The following CTNND2 variants were observed in gnomAD, a reference collection of about 807,000 sequenced individuals.
CTNND2 encodes catenin delta-2.
Under a neutral mutation model 144.4 loss-of-function variants are expected in CTNND2, and 22 were observed. The ratio of observed to expected loss-of-function variants is 0.15; its 90% CI spans 0.11 to 0.22. The LOEUF (loss-of-function observed/expected upper bound fraction) is 0.22. Ranked by LOEUF, CTNND2 falls within the 10% of genes least tolerant of loss-of-function variation. The pLI is 1.00. For missense variants in CTNND2, 1,353 were observed against 1,618.8 expected (o/e 0.84, Z 2.82); for synonymous variants, 751 against 695.6 (o/e 1.08, Z -1.25).
chr5:11,502,565 C>T (rs751297768), intron 3 of CTNND2, among the ~76,000 whole-genome samples: 5 of 152,194 alleles, frequency 3.3e-5, no homozygotes, highest in Non-Finnish European at 5.9e-5. Context: ...TCTTGGAAGA[C>T]ATCTTCCACA....
chr5:11,132,811 T>C (rs556499368), intron 12 of CTNND2, among the ~76,000 whole-genome samples: 4 of 152,288 alleles, frequency 2.6e-5, no homozygotes, highest in African/African-American at 7.2e-5. Flanking sequence ...AAGTTTAAAT[T>C]GGAAGGAAGT....
intron 1 of CTNND2, among the ~76,000 whole-genome samples, chr5:11,791,103 A>G (rs1791113081): frequency 6.6e-6 from 1 of 152,136 alleles, no homozygotes; most frequent in African/African-American, 2.4e-5. Flanking sequence ...ACAAGCAAGG[A>G]ATGCCTGGGG....
intron 10 of CTNND2, 96 bp downstream of exon 10, chr5:11,236,595 C>A (rs1030641737): frequency 3.8e-6 from 5 of 1,332,026 alleles, no homozygotes. Flanking sequence ...AAAAGCATAA[C>A]TTCAGTTCTC....
intron 6 of CTNND2, among the ~76,000 whole-genome samples, chr5:11,392,087 G>A (rs1759680802): frequency 6.6e-6 from 1 of 152,222 alleles, no homozygotes; most frequent in Non-Finnish European, 1.5e-5. Flanking sequence ...GAAAGTGAGA[G>A]AGAGAAATTT....
chr5:11,071,541 C>A (rs1165697413), intron 16 of CTNND2, among the ~76,000 whole-genome samples: 2 of 150,654 alleles, frequency 1.3e-5, no homozygotes, highest in African/African-American at 2.4e-5. Context: ...CAAAGTGAGA[C>A]CCTGTCTTCA....
intron 3 of CTNND2, among the ~76,000 whole-genome samples, chr5:11,460,098 A>C (rs1008751784): frequency 3.9e-5 from 6 of 152,178 alleles, no homozygotes; most frequent in South Asian, 2.1e-4. Flanking sequence ...TAACAGATTT[A>C]ATGGTCCTGT....
At chr5:11,858,671 T>G (rs1795359630) in intron 1 of CTNND2, among the ~76,000 whole-genome samples, 1 of 152,206 alleles carries the variant, frequency 6.6e-6, no homozygotes, top group Non-Finnish European at 1.5e-5. Flanking sequence ...GGCTCACGCC[T>G]GTTAATCCCA....
chr5:11,585,415 T>C (rs918126679), intron 2 of CTNND2, among the ~76,000 whole-genome samples: 8 of 152,138 alleles, frequency 5.3e-5, no homozygotes, highest in Non-Finnish European at 8.8e-5. Context: ...TAGAAAAAAA[T>C]GTATTTTTTC....
intron 1 of CTNND2, among the ~76,000 whole-genome samples, chr5:11,740,286 A>T (rs1294748814): frequency 6.6e-6 from 1 of 152,222 alleles, no homozygotes; most frequent in African/African-American, 2.4e-5. Context: ...CTGACTTCAA[A>T]CTATATTACA....
chr5:11,599,521 G>C (rs1779675043), intron 2 of CTNND2, among the ~76,000 whole-genome samples: 1 of 152,088 alleles, frequency 6.6e-6, no homozygotes, highest in African/African-American at 2.4e-5. Flanking sequence ...GCCCGCAATA[G>C]TTCTTGCCAT....
chr5:11,395,804 A>G (rs1384469004), intron 6 of CTNND2, among the ~76,000 whole-genome samples: 3 of 152,114 alleles, frequency 2.0e-5, no homozygotes, highest in Non-Finnish European at 4.4e-5. Flanking sequence ...GAAATCCAAA[A>G]AACTTCCAGC....
chr5:11,750,695 T>A (rs1017077659), intron 1 of CTNND2, among the ~76,000 whole-genome samples: 2 of 151,986 alleles, frequency 1.3e-5, no homozygotes, highest in South Asian at 4.1e-4. Context: ...CTCTATATTG[T>A]AGGTTTGCGT....
chr5:11,852,038 T>TA (rs1795038845), intron 1 of CTNND2, among the ~76,000 whole-genome samples: 2 of 152,194 alleles, frequency 1.3e-5, no homozygotes, highest in African/African-American at 4.8e-5. Flanking sequence ...ACAATTAACT[T>TA]ACGTCTCTTA....
intron 9 of CTNND2, among the ~76,000 whole-genome samples, chr5:11,335,721 A>G (rs1753665725): frequency 6.6e-6 from 1 of 152,134 alleles, no homozygotes; most frequent in Non-Finnish European, 1.5e-5. Flanking sequence ...AACTTTTCAC[A>G]CCTAAGTAAC....
In CTNND2 at chr5:11,836,625, A is replaced by T. The variant is rs564832001; in HGVS notation, c.37+67192T>A. Among the ~76,000 whole-genome samples the T allele has an allele frequency of 1.1e-4, 16 of 152,264 alleles. 1 individual carries two copies. Among genetic ancestry groups the T allele is most frequent in the Admixed American group, 8.5e-4 (13 of 15,296 alleles). On this transcript the variant is annotated intron_variant, in intron 1 of 21. Transcript: ENST00000304623. ...ACCCATAAAGAAATTCTCTACTTTG[A>T]AAAAGGAAATACATCATCTCTTATC...
intron 13 of CTNND2, among the ~76,000 whole-genome samples, chr5:11,116,905 A>G (rs1487465076): frequency 6.6e-6 from 1 of 152,002 alleles, no homozygotes; most frequent in Non-Finnish European, 1.5e-5. Context: ...TAAAAATACA[A>G]AAAAATAGCC....
rs773575422 is a variant in CTNND2, at chr5:11,548,187, ATACTT to A, written c.287+16752_287+16756del. On this transcript the variant is annotated intron_variant, in intron 3 of 21. Coordinates refer to ENST00000304623, the MANE Select transcript of CTNND2 (RefSeq NM_001332.4). ...AATTCAAAATCAGGCAAACCACGTA[ATACTT>A]TACTTATTAGGATGCATATGTGTGA... Among the ~76,000 whole-genome samples, 13 of 152,360 alleles carry A rather than the reference ATACTT, an allele frequency of 8.5e-5. 1 individual carries two copies. Among genetic ancestry groups the A allele is most frequent in the African/African-American group, 3.1e-4 (13 of 41,590 alleles).
At chr5:11,820,871 A>C (rs1793273353) in intron 1 of CTNND2, among the ~76,000 whole-genome samples, 1 of 152,222 alleles carries the variant, frequency 6.6e-6, no homozygotes, top group African/African-American at 2.4e-5. Context: ...ACTAATTGGC[A>C]ATTGTCTGTT....
intron 12 of CTNND2, among the ~76,000 whole-genome samples, chr5:11,129,041 A>ATTATATATAAAAATATATATT (rs1472718001): frequency 0.01 from 311 of 30,458 alleles, 11 homozygotes; most frequent in East Asian, 0.027. Context: ...ATAAATATAT[A>ATTATATATAAAAATATATATT]TTATATATAA....
Sources: allele counts gnomAD v4.1 joint callset (sites outside exome capture counted in the v4.1 genomes callset), GRCh38; gene constraint gnomAD v4.1.1; transcripts MANE v1.5; gene names NCBI Gene and HGNC (gene_info 2026-07-23, HGNC 2026-07-21).